The following INO80 variants were observed in gnomAD, a reference collection of about 807,000 sequenced individuals.
INO80 encodes the protein chromatin-remodeling ATPase INO80.
Under a neutral mutation model 203.4 loss-of-function variants are expected in INO80, and 20 were observed. The observed-to-expected ratio is 0.10, with a 90% CI of 0.07 to 0.14. The LOEUF (loss-of-function observed/expected upper bound fraction) is 0.14, where lower values mean the gene tolerates loss of function less well. Ranked by LOEUF, INO80 falls within the 10% of genes least tolerant of loss-of-function variation. The pLI is 1.00. For synonymous variants in INO80, 726 were observed against 685.2 expected, an observed-to-expected ratio of 1.06 and a Z score of -0.93; for missense variants, 1,419 against 1,914.4, an observed-to-expected ratio of 0.74 and a Z score of 4.83.
In INO80 at chr15:41,052,674, CAAAAAAAAAAA is replaced by C. The variant is rs60685375; in HGVS notation, c.2274+1244_2274+1254del. On this transcript the variant is annotated intron_variant, in intron 19 of 35. Transcript: ENST00000648947. ...GGTGACAGAGCGAGCCCTTGTCTTA[CAAAAAAAAAAA>C]AAAAAAAAAAAAAATACAAGGGGAA... Among the ~76,000 whole-genome samples the C allele has an allele frequency of 3.7e-3, 394 of 107,228 alleles. 3 individuals are homozygous for C. Among genetic ancestry groups the C allele is most frequent in the South Asian group, 0.017 (60 of 3,564 alleles). 70.3% of individuals were successfully genotyped at this position (107,228 alleles called of 152,430 possible).
intron 24 of INO80, among the ~76,000 whole-genome samples, chr15:41,031,607 A>G (rs375790679): frequency 6.2e-3 from 9 of 1,442 alleles, no homozygotes; most frequent in African/African-American, 9.1e-3. Context: ...GGGAGGGAGG[A>G]AGGGAGGAGG....
chr15:41,049,463 A>G (rs2044827493), intron 20 of INO80, 43 bp from the exon 21 acceptor site: 10 of 1,588,572 alleles, frequency 6.3e-6, no homozygotes, highest in Non-Finnish European at 8.6e-6. Context: ...CCACATGCAG[A>G]CATCATACGT....
chr15:41,006,345 C>A (rs1192514471), intron 27 of INO80, among the ~76,000 whole-genome samples: 3 of 152,134 alleles, frequency 2.0e-5, no homozygotes, highest in African/African-American at 4.8e-5. Flanking sequence ...ATAGTTATGT[C>A]CAAATGAACA....
intron 25 of INO80, 62 bp downstream of exon 25, chr15:41,027,534 T>C: frequency 7.3e-7 from 1 of 1,360,854 alleles, no homozygotes; most frequent in East Asian, 2.4e-5. Context: ...ATAAATCCCT[T>C]AAAAATTGGT....
chr15:40,986,694 C>T (rs2043739734), intron 31 of INO80, among the ~76,000 whole-genome samples: 1 of 151,888 alleles, frequency 6.6e-6, no homozygotes, highest in African/African-American at 2.4e-5. Context: ...GGCATGATCT[C>T]GGCTCACTGC....
intron 27 of INO80, among the ~76,000 whole-genome samples, chr15:41,007,192 T>C (rs1346765647): frequency 1.4e-5 from 2 of 146,926 alleles, no homozygotes; most frequent in African/African-American, 5.0e-5. Context: ...CTTTTTTTTT[T>C]TTTTTTTTTT....
intron 26 of INO80, 110 bp from the exon 27 acceptor site, chr15:41,016,325 T>A: frequency 9.3e-7 from 1 of 1,072,382 alleles, no homozygotes; most frequent in Non-Finnish European, 1.3e-6. Context: ...ATGCTTGTCA[T>A]CATGAGATCA....
At position 41,074,600 on chromosome 15, in the gene INO80, T is replaced by C. The variant is rs2045375090; in HGVS notation, c.1132-35A>G. On this transcript the variant is annotated intron_variant, in intron 9 of 35. Transcript: ENST00000648947. ...GAAAAAAGTGAAAACAGAGCCAAAT[T>C]ATCAATGATATCCAAGAAGTAGTCC... is the stretch of plus-strand genomic sequence containing the variant. The C allele has an allele frequency of 3.2e-5, 46 of 1,430,188 alleles. No individual in the cohort carries two copies. In the East Asian group the frequency reaches 1.1e-3, roughly 33 times the overall value. The allele number at this position is 1,430,188 out of a possible 1,614,324, so 88.6% of individuals were successfully genotyped here.
chr15:41,049,476 T>C, intron 20 of INO80, 56 bp from the exon 21 acceptor site: 1 of 1,533,956 alleles, frequency 6.5e-7, no homozygotes, highest in Non-Finnish European at 9.0e-7. Flanking sequence ...TCATACGTAA[T>C]GACAGGGGAT....
chr15:41,018,052 T>G (rs1758010889), intron 26 of INO80: 1 of 151,962 alleles, frequency 6.6e-6, no homozygotes, highest in African/African-American at 2.4e-5. Context: ...TTTTGATAGC[T>G]CCTAAACATT....
rs188902424 is a variant in INO80 at position 41,076,047 on chromosome 15, C to T, written c.1132-1482G>A. Among the ~76,000 whole-genome samples the T allele has an allele frequency of 2.7e-3, 410 of 152,262 alleles. 3 individuals are homozygous for T. The highest frequency in any genetic ancestry group is 0.013 in the South Asian group (62 of 4,826). On this transcript the variant is annotated intron_variant, in intron 9 of 35. Coordinates refer to ENST00000648947, the MANE Select transcript of INO80 (RefSeq NM_017553.3). ...CCCCAAAACAATCTACAGGAAGGAA[C>T]AAAATACTCCCCAACACAATCTGTA...
rs759978928 is a variant in INO80, at chr15:41,079,837, G to C, written c.995C>G (p.Thr332Ser). 2 of 1,613,970 alleles carry C rather than the reference G, an allele frequency of 1.2e-6. No individual in the cohort carries two copies. Among genetic ancestry groups the C allele is most frequent in the East Asian group, 2.2e-5 (1 of 44,896 alleles). ...GGTGAGGCGGCGGGCACGAGGCAAG[G>C]TTTCCTTACAGTTCTTCTGGGCCTG... Reference protein sequence around the residue: ...ALQAQKNCKETLPRARRLTKE... With the variant: ...ALQAQKNCKESLPRARRLTKE... The change falls in exon 9 of 36, where the codon ACC (threonine) becomes AGC (serine). Residue 332 changes from threonine (T) to serine (S), a missense_variant. Physicochemically the swap from Thr to Ser is moderately conservative, Grantham distance 58. Coordinates refer to ENST00000648947, the MANE Select transcript of INO80 (RefSeq NM_017553.3).
chr15:41,096,752 G>A (rs1271710943), intron 1 of INO80, among the ~76,000 whole-genome samples: 1 of 152,184 alleles, frequency 6.6e-6, no homozygotes, highest in Non-Finnish European at 1.5e-5. Context: ...AGTACTAGAG[G>A]AGCACTCGTT....
chr15:40,997,673 T>C, intron 28 of INO80, 72 bp from the exon 29 acceptor site: 35 of 898,212 alleles, frequency 3.9e-5, no homozygotes, highest in Middle Eastern at 2.2e-4. Context: ...TAGAGAGAGA[T>C]CTCTGAATAC....
chr15:41,049,422 TA>T lies in INO80; in HGVS notation c.2443-3del. The T allele has an allele frequency of 6.2e-7, 1 of 1,613,658 alleles. No homozygotes were observed. Among genetic ancestry groups the T allele is most frequent in the Non-Finnish European group, 8.5e-7 (1 of 1,179,718 alleles). Reference sequence around the variant, plus strand: ...AAATAACTCCGGGTGATTACACACCTAAAAGGAAGGGAAATGGTAAGACAAT... The same window carrying T: ...AAATAACTCCGGGTGATTACACACCTAAAGGAAGGGAAATGGTAAGACAAT... On this transcript the variant is annotated splice_polypyrimidine_tract_variant and splice_region_variant and intron_variant, in intron 20 of 35. Coordinates refer to ENST00000648947, the MANE Select transcript of INO80 (RefSeq NM_017553.3).
chr15:41,074,388 T>C lies in INO80; in HGVS notation c.1309A>G (p.Ile437Val). Residue 437 changes from isoleucine to valine, a missense_variant, in exon 10 of 36, where the codon ATC (isoleucine) becomes GTC (valine). This residue lies in a region of INO80 where 116 missense variants were observed against 119.5 expected (regional missense o/e 0.97). Coordinates refer to ENST00000648947, the MANE Select transcript of INO80 (RefSeq NM_017553.3). ...IDIGGGVVVN[I>V]TQEDYDSNHF... ...GACTCACCATAATCCTCCTGTGTGATGTTAACTACCACTCCTCCACCTATA... is the reference window on the plus strand; with the variant it reads ...GACTCACCATAATCCTCCTGTGTGACGTTAACTACCACTCCTCCACCTATA... The C allele has an allele frequency of 1.2e-6, 2 of 1,612,030 alleles. No homozygotes were observed. Among genetic ancestry groups the C allele is most frequent in the South Asian group, 1.1e-5 (1 of 90,498 alleles).
chr15:41,008,180 A>C (rs2044078378), intron 27 of INO80, among the ~76,000 whole-genome samples: 1 of 151,632 alleles, frequency 6.6e-6, no homozygotes, highest in African/African-American at 2.4e-5. Flanking sequence ...CAAAATAAAC[A>C]AACAAAACAG....
chr15:41,074,495 C>T lies in INO80; in HGVS notation c.1202G>A (p.Arg401His), dbSNP rs1159745637. 9 of 1,613,694 alleles carry T rather than the reference C, an allele frequency of 5.6e-6. No homozygotes were observed. Among genetic ancestry groups the T allele is most frequent in the East Asian group, 2.2e-5 (1 of 44,856 alleles). The change falls in exon 10 of 36, where the codon CGC becomes CAC. Residue 401 changes from arginine (R) to histidine (H), a missense_variant. Physicochemically the swap from Arg to His is conservative, Grantham distance 29. Around this residue, in one of 9 missense-constraint regions of INO80, gnomAD observed 116 missense variants for 119.5 expected, o/e 0.97. Coordinates refer to ENST00000648947, the MANE Select transcript of INO80 (RefSeq NM_017553.3). The part of the protein sequence containing the change: ...QTELYAHFMS[R>H]KRDMGHDGIQ... The stretch of plus-strand genomic sequence containing the variant: ...ACCATCATGACCCATATCTCGTTTG[C>T]GACTCATGAAATGGGCATACAACTC...
At chr15:41,045,685 G>A (rs2140520202) in intron 23 of INO80, among the ~76,000 whole-genome samples, 1 of 151,566 alleles carries the variant, frequency 6.6e-6, no homozygotes, top group African/African-American at 2.4e-5. Flanking sequence ...TTGAGGCCAG[G>A]AGTTCGGGAA....
Sources: gnomAD v4.1 joint callset for allele counts (sites outside exome capture counted in the v4.1 genomes callset) on GRCh38, gnomAD v4.1.1 for gene constraint, gnomAD v4.1.1 regional missense constraint, MANE v1.5 for transcripts, NCBI Gene and HGNC (gene_info 2026-07-23, HGNC 2026-07-21) for gene names.